The following ZNF248 variants were observed in gnomAD, a reference collection of about 807,000 sequenced individuals.
The protein encoded by ZNF248 is KRAB protein domain.
In ZNF248, 20 loss-of-function variants were observed where a neutral mutation model predicts 44.3. That is an observed-to-expected ratio of 0.45 (90% CI 0.32 to 0.66). ZNF248 has a LOEUF of 0.66. ZNF248 is among the 30% of genes least tolerant of loss of function. ZNF248 has a pLI of 0.04. For missense variants in ZNF248, 654 were observed against 677.0 expected, an observed-to-expected ratio of 0.97 and a Z score of 0.38; for synonymous variants, 224 against 229.0, an observed-to-expected ratio of 0.98 and a Z score of 0.20.
downstream of ZNF248, among the ~76,000 whole-genome samples, chr10:37,824,989 A>G (rs940935469): frequency 3.3e-5 from 5 of 151,636 alleles, no homozygotes; most frequent in African/African-American, 1.2e-4. Flanking sequence ...CACCCAGCCA[A>G]AATTACTTAA....
chr10:37,770,998 G>T, the ZNF248 span, among the ~76,000 whole-genome samples: 17 of 152,184 alleles, frequency 1.1e-4, no homozygotes, highest in African/African-American at 4.1e-4. Context: ...AGACATTTAT[G>T]CAGCCAAAAA....
Position 37,837,684 on chromosome 10 carries a change from G to C in ZNF248, c.171C>G (p.Ile57Met). 6.2e-7 allele frequency: 1 copy of C among 1,614,058 alleles called. No homozygotes were observed. The highest frequency in any genetic ancestry group is 1.3e-5 in the African/African-American group (1 of 75,030). ...GCTCTTCTCCTTGCTCGATCTTAAA[G>C]ATCACTTCTGGTTTAGTAATGCAAT... ...VGYCITKPEV[I>M]FKIEQGEEPW... Residue 57 changes from isoleucine to methionine, a missense_variant, in exon 5 of 6, where the codon ATC becomes ATG. Physicochemically the swap from Ile to Met is conservative, Grantham distance 10. Coordinates refer to ENST00000395867, the MANE Select transcript of ZNF248 (RefSeq NM_021045.3).
chr10:37,828,548 T>C (rs1163194990), downstream of ZNF248, among the ~76,000 whole-genome samples: 4 of 152,216 alleles, frequency 2.6e-5, no homozygotes, highest in Non-Finnish European at 5.9e-5. Flanking sequence ...CTATCATTTC[T>C]GGATCAATAC....
intron 6 of ZNF248, among the ~76,000 whole-genome samples, chr10:37,787,671 C>A (rs766279996): frequency 6.6e-6 from 1 of 151,326 alleles, no homozygotes; most frequent in Non-Finnish European, 1.5e-5. Flanking sequence ...GTAACTTAGA[C>A]CTTTACCTCA....
rs57501241 is a variant in ZNF248 at position 37,851,768 on chromosome 10, C to CAAAAA, written c.15+4523_15+4527dup. Among the ~76,000 whole-genome samples, 11 of 32,058 alleles carry CAAAAA rather than the reference C, an allele frequency of 3.4e-4. No individual in the cohort carries two copies. In the East Asian group the frequency reaches 7.3e-3, roughly 21 times the overall value. The allele number at this position is 32,058 out of a possible 152,430, so 21.0% of individuals were successfully genotyped here. On this transcript the variant is annotated intron_variant, in intron 3 of 5. Transcript: ENST00000395867. The stretch of plus-strand genomic sequence containing the variant: ...ATCACTATATACCCATCAGAATGAC[C>CAAAAA]AAAAAAAAAAAAAAAAAAAAAAAAA...
Position 37,831,324 on chromosome 10 carries a change from G to C in ZNF248, c.*291C>G. ...AGCTTCAGATTCCACTGTGAATATG[G>C]GTATAAATAAATATTGTCCATTATA... On this transcript the variant is annotated 3_prime_UTR_variant, in exon 6 of 6. Transcript: ENST00000395867. 1 of 1,549,002 alleles carries C rather than the reference G, an allele frequency of 6.5e-7. No individual in the cohort carries two copies. The highest frequency in any genetic ancestry group is 1.2e-5 in the South Asian group (1 of 83,934).
At chr10:37,775,849 AGATT>A (rs563760750), downstream of ZNF248, among the ~76,000 whole-genome samples, 10 of 152,298 alleles carry the variant, frequency 6.6e-5, no homozygotes, top group Admixed American at 6.5e-4. Context: ...ATCTGTTTTA[AGATT>A]GTTTGCTTCT....
intron 6 of ZNF248, chr10:37,784,235 T>C (rs1485767222): frequency 1.3e-5 from 2 of 152,288 alleles, no homozygotes; most frequent in Non-Finnish European, 2.9e-5. Context: ...ATGCCACCAT[T>C]ATGCATGTTC....
chr10:37,812,401 A>C (rs2051660282), intron 6 of ZNF248, among the ~76,000 whole-genome samples: 1 of 152,074 alleles, frequency 6.6e-6, no homozygotes, highest in Non-Finnish European at 1.5e-5. Context: ...GGAAAGGCTA[A>C]CTCTACTTTA....
At position 37,831,254 on chromosome 10, in the gene ZNF248, A is replaced by T. The variant is rs1462170491; in HGVS notation, c.*361T>A. ...CACATAAGGTCTACAAACATCGGGG[A>T]CTCTTCACATATATGTTTAATGCTG... On this transcript the variant is annotated 3_prime_UTR_variant, in exon 6 of 6. Coordinates refer to ENST00000395867, the MANE Select transcript of ZNF248 (RefSeq NM_021045.3). 6.5e-7 allele frequency: 1 copy of T among 1,549,250 alleles called. No homozygotes were observed. Among genetic ancestry groups the T allele is most frequent in the Non-Finnish European group, 8.7e-7 (1 of 1,146,168 alleles).
the ZNF248 span, among the ~76,000 whole-genome samples, chr10:37,762,388 T>A: frequency 4.7e-4 from 72 of 152,294 alleles, no homozygotes; most frequent in Middle Eastern, 3.4e-3. Context: ...AGAACTTATG[T>A]TCAAGAATTT....
At chr10:37,845,219 G>A (rs564410863) in intron 3 of ZNF248, among the ~76,000 whole-genome samples, 6 of 151,762 alleles carry the variant, frequency 4.0e-5, no homozygotes, top group African/African-American at 1.4e-4. Context: ...ACAGGGTTTT[G>A]CCATGTCAGG....
intron 6 of ZNF248, among the ~76,000 whole-genome samples, chr10:37,815,464 AGTT>A (rs1454698336): frequency 1.3e-5 from 2 of 151,886 alleles, no homozygotes; most frequent in Admixed American, 6.6e-5. Context: ...CCTCTAGCAA[AGTT>A]GTTGTACTTT....
chr10:37,810,916 C>T (rs200660373), intron 6 of ZNF248, among the ~76,000 whole-genome samples: 8 of 152,052 alleles, frequency 5.3e-5, no homozygotes, highest in South Asian at 2.1e-4. Flanking sequence ...CTGAAGTATC[C>T]GCTTAAAATA....
At chr10:37,766,786 C>T in the ZNF248 span, among the ~76,000 whole-genome samples, 8 of 152,082 alleles carry the variant, frequency 5.3e-5, no homozygotes, top group Middle Eastern at 3.2e-3. Flanking sequence ...ATGACTTTGA[C>T]GAGCTGAGAG....
intron 6 of ZNF248, chr10:37,802,748 C>T (rs2049983208): frequency 1.3e-5 from 2 of 152,258 alleles, no homozygotes; most frequent in Middle Eastern, 3.4e-3. Context: ...AACTCAGTTG[C>T]AGTTTCTCAA....
At chr10:37,769,421 A>G in the ZNF248 span, among the ~76,000 whole-genome samples, 2 of 152,310 alleles carry the variant, frequency 1.3e-5, no homozygotes, top group East Asian at 3.9e-4. Flanking sequence ...AAGCTTATCC[A>G]CCATGATCAA....
chr10:37,763,838 T>C, the ZNF248 span, among the ~76,000 whole-genome samples: 2 of 152,308 alleles, frequency 1.3e-5, no homozygotes, highest in East Asian at 3.9e-4. Context: ...ATTGTGAAGA[T>C]TTCATGGACA....
chr10:37,819,764 T>C (rs2053152896), intron 6 of ZNF248: 3 of 781,640 alleles, frequency 3.8e-6, no homozygotes, highest in Middle Eastern at 2.3e-4. Flanking sequence ...GGTCCTGCTT[T>C]TCCACTGTTT....
Sources: allele counts gnomAD v4.1 joint callset (sites outside exome capture counted in the v4.1 genomes callset), GRCh38; gene constraint gnomAD v4.1.1; transcripts MANE v1.5; gene names NCBI Gene and HGNC (gene_info 2026-07-23, HGNC 2026-07-21).